Variants in CDON observed in about 807,000 individuals in gnomAD.
CDON encodes the protein cell adhesion associated, oncogene regulated, also known as cell adhesion molecule-related/down-regulated by oncogenes.
CDON carries 73 observed loss-of-function variants against 120.9 expected under a neutral mutation model. That is an observed-to-expected ratio of 0.60 (90% CI 0.50 to 0.73). The LOEUF is 0.73. Among genes scored for constraint, CDON ranks in the 30% least tolerant of loss-of-function variants. The pLI is 0.00. For missense variants in CDON, 1,470 were observed against 1,587.3 expected, an observed-to-expected ratio of 0.93 and a Z score of 1.26; for synonymous variants, 566 against 573.5, an observed-to-expected ratio of 0.99 and a Z score of 0.19.
rs754257431 is a variant in CDON, at chr11:126,001,743, T to C, written c.2134A>G (p.Thr712Ala). 1.3e-5 allele frequency: 21 copies of C among 1,613,552 alleles called. No individual in the cohort carries two copies. The highest frequency in any genetic ancestry group is 1.8e-5 in the Non-Finnish European group (21 of 1,179,590). The change falls in exon 11 of 20, where the codon ACA becomes GCA. Residue 712 changes from threonine (T) to alanine (A), a missense_variant. By Grantham distance (58) the Thr-to-Ala change is moderately conservative. Coordinates refer to ENST00000531738, the MANE Select transcript of CDON (RefSeq NM_001378964.1). ...AANNNFGVVL[T>A]DSSRHSGVPE... is the part of the protein sequence containing the mutation. ...CCTCCACTGTGCCTAGAGGAATCTGTAAGTACCACTCCAAAATTGTTGTTT... is the reference window on the plus strand; with the variant it reads ...CCTCCACTGTGCCTAGAGGAATCTGCAAGTACCACTCCAAAATTGTTGTTT...
intron 1 of CDON, among the ~76,000 whole-genome samples, chr11:126,035,646 A>G (rs1002468955): frequency 6.6e-6 from 1 of 152,174 alleles, no homozygotes; most frequent in Non-Finnish European, 1.5e-5. Flanking sequence ...ATTGGCACCA[A>G]TTGACTGACA....
intron 1 of CDON, among the ~76,000 whole-genome samples, chr11:126,048,273 ACT>A (rs1443499996): frequency 7.9e-6 from 1 of 126,532 alleles, no homozygotes; most frequent in Non-Finnish European, 1.6e-5. Context: ...ACAGAGTGAG[ACT>A]CTGTCTCAAA....
chr11:126,039,595 G>A (rs1948199313), intron 1 of CDON, among the ~76,000 whole-genome samples: 1 of 152,182 alleles, frequency 6.6e-6, no homozygotes. Flanking sequence ...TCTTAAATCA[G>A]TAGGATTATA....
chr11:125,997,730 G>C (rs760236206), intron 11 of CDON, among the ~76,000 whole-genome samples: 22 of 152,272 alleles, frequency 1.4e-4, no homozygotes, highest in Non-Finnish European at 2.9e-4. Context: ...GGTGCTTCAA[G>C]TTTGATTGTG....
intron 1 of CDON, among the ~76,000 whole-genome samples, chr11:126,057,032 T>C (rs955518576): frequency 6.6e-6 from 1 of 152,200 alleles, no homozygotes; most frequent in Non-Finnish European, 1.5e-5. Flanking sequence ...CCTTTTCCCC[T>C]ATTTTGAGGC....
chr11:125,971,044 C>G, intron 18 of CDON, among the ~76,000 whole-genome samples: 1 of 152,066 alleles, frequency 6.6e-6, no homozygotes, highest in Non-Finnish European at 1.5e-5. Context: ...TGTTTTAATA[C>G]TTAGCAAACC....
chr11:126,027,070 T>C (rs1456382937), intron 1 of CDON, among the ~76,000 whole-genome samples: 1 of 152,180 alleles, frequency 6.6e-6, no homozygotes, highest in African/African-American at 2.4e-5. Context: ...TATCTTTCTA[T>C]TGGGTTACTC....
Position 125,961,750 on chromosome 11 carries a change from G to A in CDON, c.3605C>T (p.Ser1202Leu), listed in dbSNP as rs1344581842. Reference protein sequence around the residue: ...DIVNDVSSDGSEDPAEFSRGD... With the variant: ...DIVNDVSSDGLEDPAEFSRGD... Reference sequence around the variant, plus strand: ...TCTGCTGAACTCTGCTGGATCTTCTGAGCCATCAGAGCTGACGTCATTTAC... The same window carrying A: ...TCTGCTGAACTCTGCTGGATCTTCTAAGCCATCAGAGCTGACGTCATTTAC... Residue 1202 changes from serine (S) to leucine (L), a missense_variant, in exon 19 of 20, where the codon TCA becomes TTA. Coordinates refer to ENST00000531738, the MANE Select transcript of CDON (RefSeq NM_001378964.1). The A allele has an allele frequency of 6.2e-7, 1 of 1,614,008 alleles. No homozygotes were observed. The highest frequency in any genetic ancestry group is 1.3e-5 in the African/African-American group (1 of 74,920).
Position 126,035,058 on chromosome 11 carries a change from C to G in CDON, c.-61-11521G>C, listed in dbSNP as rs534879527. On this transcript the variant is annotated intron_variant, in intron 1 of 19. Coordinates refer to ENST00000531738, the MANE Select transcript of CDON (RefSeq NM_001378964.1). ...AGTTGTTAACAGGTCCAGCGCTTTG[C>G]TTAGACCCTACTGACTTATGCACTG... Among the ~76,000 whole-genome samples the G allele has an allele frequency of 2.1e-4, 32 of 152,278 alleles. 1 individual carries two copies. The highest frequency in any genetic ancestry group is 1.0e-3 in the South Asian group (5 of 4,828).
Position 126,017,377 on chromosome 11 carries a change from T to C in CDON, c.641-2A>G. 6.2e-7 allele frequency: 1 copy of C among 1,613,920 alleles called. No homozygotes were observed. The highest frequency in any genetic ancestry group is 8.5e-7 in the Non-Finnish European group (1 of 1,179,768). ...TGTGAACATCATCTGAAGAAGGACC[T>C]GGAAAAGGAAAGGAGATGAGAGATT... is the stretch of plus-strand genomic sequence containing the variant. On this transcript the variant is annotated splice_acceptor_variant, in intron 5 of 19. Transcript: ENST00000531738. LOFTEE classifies it high-confidence loss of function.
At chr11:125,998,320 C>T (rs652688) in intron 11 of CDON, among the ~76,000 whole-genome samples, 1 of 152,156 alleles carries the variant, frequency 6.6e-6, no homozygotes, top group East Asian at 1.9e-4. Context: ...TGAGAGGTGT[C>T]TGTGTCATGG....
chr11:125,984,132 A>T (rs1946394582), intron 15 of CDON, 39 bp from the exon 16 acceptor site: 1 of 1,369,776 alleles, frequency 7.3e-7, no homozygotes, highest in African/African-American at 1.4e-5. Context: ...GTCAGAGTGA[A>T]TACAGACTCC....
chr11:126,006,356 T>G lies in CDON; in HGVS notation c.1553-299A>C, dbSNP rs562399649. 1.1e-4 allele frequency among the ~76,000 whole-genome samples: 17 copies of G among 152,308 alleles called. No individual in the cohort carries two copies. The South Asian group carries it at 3.5e-3, about 32-fold the overall frequency. On this transcript the variant is annotated intron_variant, in intron 8 of 19. Coordinates refer to ENST00000531738, the MANE Select transcript of CDON (RefSeq NM_001378964.1). Reference sequence around the variant, plus strand: ...AGTATTCTTTTTAGTAATAATCATTTGCCAGTTTAACCTCAGAAGATTTCA... The same window carrying G: ...AGTATTCTTTTTAGTAATAATCATTGGCCAGTTTAACCTCAGAAGATTTCA...
At position 125,961,815 on chromosome 11, in the gene CDON, C is replaced by A. The variant is rs886172954; in HGVS notation, c.3540G>T (p.Val1180=). 6.2e-7 allele frequency: 1 copy of A among 1,614,060 alleles called. No homozygotes were observed. Among genetic ancestry groups the A allele is most frequent in the African/African-American group, 1.3e-5 (1 of 74,920 alleles). ...QLPEESVKDN[V]EPVPTQRTCC... ...AGGTACGCTGAGTAGGGACTGGTTC[C>A]ACATTGTCCTTGACGCTCTCCTCCG... is the stretch of plus-strand genomic sequence containing the variant. The change falls in exon 19 of 20, where the codon GTG becomes GTT. Residue 1180 remains valine, a synonymous_variant. Coordinates refer to ENST00000531738, the MANE Select transcript of CDON (RefSeq NM_001378964.1).
Position 126,011,212 on chromosome 11 carries a change from A to G in CDON, c.1199-518T>C, listed in dbSNP as rs184393210. Among the ~76,000 whole-genome samples, 48 of 152,346 alleles carry G rather than the reference A, an allele frequency of 3.2e-4. No homozygotes were observed. The East Asian group carries it at 9.2e-3, about 29-fold the overall frequency. On this transcript the variant is annotated intron_variant, in intron 7 of 19. Coordinates refer to ENST00000531738, the MANE Select transcript of CDON (RefSeq NM_001378964.1). ...TACCTGTATGTTTTTTCCCATAGGC[A>G]TGAACAGAATTTTTGTTTCTAAATT... is the stretch of plus-strand genomic sequence containing the variant.
chr11:125,975,170 A>G (rs915177136), intron 18 of CDON, among the ~76,000 whole-genome samples: 1 of 152,260 alleles, frequency 6.6e-6, no homozygotes, highest in Non-Finnish European at 1.5e-5. Context: ...TGATTAATAT[A>G]AAAATTGCAT....
intron 1 of CDON, among the ~76,000 whole-genome samples, chr11:126,036,473 G>C (rs983590207): frequency 2.0e-5 from 3 of 152,014 alleles, no homozygotes; most frequent in African/African-American, 7.2e-5. Flanking sequence ...CAATTCTCAT[G>C]TATAAGTCTT....
intron 7 of CDON, 86 bp downstream of exon 7, chr11:126,015,155 T>C (rs376008809): frequency 1.5e-6 from 2 of 1,316,584 alleles, no homozygotes; most frequent in African/African-American, 2.9e-5. Context: ...TATTTTCTTT[T>C]AGTAAAAATA....
At chr11:125,998,290 A>G (rs551509475) in intron 11 of CDON, among the ~76,000 whole-genome samples, 56 of 152,244 alleles carry the variant, frequency 3.7e-4, no homozygotes, top group African/African-American at 1.1e-3. Context: ...GTGATCCCCA[A>G]TGTTGGAGGT....
Sources: gnomAD v4.1 joint callset for allele counts (sites outside exome capture counted in the v4.1 genomes callset) on GRCh38, gnomAD v4.1.1 for gene constraint, MANE v1.5 for transcripts, NCBI Gene and HGNC (gene_info 2026-07-23, HGNC 2026-07-21) for gene names.